PLPPR5: variants seen among roughly 807,000 people sequenced by gnomAD.
PLPPR5 encodes the protein phospholipid phosphatase-related protein type 5.
PLPPR5 carries 16 observed loss-of-function variants against 33.9 expected under a neutral mutation model. The ratio of observed to expected loss-of-function variants is 0.47; its 90% CI spans 0.32 to 0.72. The LOEUF is 0.72. Among genes scored for constraint, PLPPR5 ranks in the 30% least tolerant of loss-of-function variants. The pLI, the probability that PLPPR5 is intolerant of heterozygous loss-of-function variation, is 0.03. For missense variants in PLPPR5, 301 were observed against 406.7 expected (o/e 0.74, Z 2.23); for synonymous variants, 163 against 150.3 (o/e 1.08, Z -0.62).
chr1:98,890,630 C>T lies in PLPPR5; in HGVS notation c.*2442G>A, dbSNP rs1270021383. 1 of 152,532 alleles carries T rather than the reference C, an allele frequency of 6.6e-6. No individual in the cohort carries two copies. The highest frequency in any genetic ancestry group is 2.4e-5 in the African/African-American group (1 of 41,430). The allele number at this position is 152,532 out of a possible 1,614,324, so 9.4% of individuals were successfully genotyped here. A position where few individuals can be genotyped will look rare whatever the true frequency, so the allele number is the denominator to read the frequency against. ...AAAGATATGTGTTTGCCTGCTTTTA[C>T]TAGACTACATATGTACATATTTACA... On this transcript the variant is annotated 3_prime_UTR_variant, in exon 6 of 6. Transcript: ENST00000263177.
At chr1:98,925,922 T>C (rs1377902054) in intron 3 of PLPPR5, among the ~76,000 whole-genome samples, 2 of 152,202 alleles carry the variant, frequency 1.3e-5, no homozygotes, top group Non-Finnish European at 2.9e-5. Flanking sequence ...TGTATGGTTA[T>C]AATTTATTTT....
At chr1:98,895,911 A>C (rs1446124273) in intron 5 of PLPPR5, among the ~76,000 whole-genome samples, 1 of 152,066 alleles carries the variant, frequency 6.6e-6, no homozygotes. Flanking sequence ...ATCATAGTAC[A>C]TGAAAGGAGT....
intron 3 of PLPPR5, among the ~76,000 whole-genome samples, chr1:98,948,727 G>T (rs1184012098): frequency 1.3e-5 from 2 of 152,172 alleles, no homozygotes; most frequent in Non-Finnish European, 2.9e-5. Context: ...AAGGAGAGAG[G>T]CCCAGCTATT....
At chr1:98,963,340 T>C (rs956467412) in intron 1 of PLPPR5, among the ~76,000 whole-genome samples, 1 of 152,248 alleles carries the variant, frequency 6.6e-6, no homozygotes, top group African/African-American at 2.4e-5. Flanking sequence ...CGTTTATAAG[T>C]ATCAGTAACA....
At chr1:98,952,748 A>AT (rs1487165177) in intron 3 of PLPPR5, among the ~76,000 whole-genome samples, 1 of 152,194 alleles carries the variant, frequency 6.6e-6, no homozygotes, top group Non-Finnish European at 1.5e-5. Flanking sequence ...TCATCGTGCT[A>AT]TTACAAGTTC....
chr1:98,922,239 C>T (rs1203824737), intron 3 of PLPPR5, among the ~76,000 whole-genome samples, 181 bp from the exon 4 acceptor site: 2 of 152,172 alleles, frequency 1.3e-5, no homozygotes, highest in Non-Finnish European at 2.9e-5. Flanking sequence ...TCAAGAGTAG[C>T]AATTATTTTG....
At chr1:98,894,101 C>T (rs1472134088) in intron 5 of PLPPR5, among the ~76,000 whole-genome samples, 1 of 151,952 alleles carries the variant, frequency 6.6e-6, no homozygotes, top group Non-Finnish European at 1.5e-5. Flanking sequence ...CAAAAGGAAT[C>T]TCATTGACTA....
Position 98,967,860 on chromosome 1 carries a change from G to T in PLPPR5, c.238-11119C>A, listed in dbSNP as rs374250698. ...TATCTGCGATGGATTAGTGTTTTTGGTAAGGGAGTAAAGGAGTCTGGGATG... is the reference window on the plus strand; with the variant it reads ...TATCTGCGATGGATTAGTGTTTTTGTTAAGGGAGTAAAGGAGTCTGGGATG... On this transcript the variant is annotated intron_variant, in intron 1 of 5. Transcript: ENST00000263177. Among the ~76,000 whole-genome samples, 4 of 152,200 alleles carry T rather than the reference G, an allele frequency of 2.6e-5. No homozygotes were observed. The South Asian group carries it at 6.2e-4, about 24-fold the overall frequency.
chr1:98,978,412 C>T (rs1651939961), intron 1 of PLPPR5, among the ~76,000 whole-genome samples: 1 of 152,146 alleles, frequency 6.6e-6, no homozygotes, highest in African/African-American at 2.4e-5. Flanking sequence ...GTTTCAGCTA[C>T]ATGTAAATTA....
At chr1:98,922,114 T>A in intron 3 of PLPPR5, 56 bp from the exon 4 acceptor site, 1 of 1,493,314 alleles carries the variant, frequency 6.7e-7, no homozygotes, top group African/African-American at 1.4e-5. Flanking sequence ...TTTATTAGCA[T>A]AGCATATTAT....
chr1:98,967,843 A>T (rs187879123), intron 1 of PLPPR5, among the ~76,000 whole-genome samples: 1 of 152,114 alleles, frequency 6.6e-6, no homozygotes, highest in Non-Finnish European at 1.5e-5. Context: ...CGTATCTGCG[A>T]TGGATTAGTG....
intron 1 of PLPPR5, among the ~76,000 whole-genome samples, chr1:98,969,159 T>A (rs1208773622): frequency 6.6e-6 from 1 of 151,908 alleles, no homozygotes; most frequent in African/African-American, 2.4e-5. Flanking sequence ...AGAGCTAGCA[T>A]CTCAGAAACA....
In PLPPR5 at chr1:98,891,518, G is replaced by A. The variant is rs1036134614; in HGVS notation, c.*1554C>T. On this transcript the variant is annotated 3_prime_UTR_variant, in exon 6 of 6. Coordinates refer to ENST00000263177, the MANE Select transcript of PLPPR5 (RefSeq NM_001037317.2). ...GAGCTCACCTTCCTTATATTATGGC[G>A]ATTGTAATCTGGAATTCTACATGCT... The A allele has an allele frequency of 2.6e-5, 4 of 151,914 alleles. No homozygotes were observed. The highest frequency in any genetic ancestry group is 4.8e-5 in the African/African-American group (2 of 41,366). 9.4% of individuals were successfully genotyped at this position (151,914 alleles called of 1,614,324 possible). A position where few individuals can be genotyped will look rare whatever the true frequency, so the allele number is the denominator to read the frequency against.
At chr1:98,953,820 A>G (rs1415327175) in intron 2 of PLPPR5, among the ~76,000 whole-genome samples, 3 of 152,210 alleles carry the variant, frequency 2.0e-5, no homozygotes, top group Non-Finnish European at 4.4e-5. Context: ...TTAGCAGTAA[A>G]TCCAGTACCA....
intron 3 of PLPPR5, among the ~76,000 whole-genome samples, chr1:98,940,530 G>A (rs763151969): frequency 4.6e-5 from 7 of 151,930 alleles, no homozygotes; most frequent in African/African-American, 1.2e-4. Flanking sequence ...TATAGCACAC[G>A]TAGGAGTGTA....
At chr1:98,963,318 A>AATTTGC (rs1651313954) in intron 1 of PLPPR5, among the ~76,000 whole-genome samples, 2 of 152,146 alleles carry the variant, frequency 1.3e-5, no homozygotes, top group Admixed American at 1.3e-4. Context: ...TTATTATGAT[A>AATTTGC]ATTTGCATAT....
chr1:99,001,778 G>A (rs965641305), intron 1 of PLPPR5, among the ~76,000 whole-genome samples: 1 of 148,460 alleles, frequency 6.7e-6, no homozygotes, highest in South Asian at 2.1e-4. Flanking sequence ...AACGATTCAT[G>A]AGCGAATTGA....
chr1:98,985,382 G>A (rs76868006), intron 1 of PLPPR5, among the ~76,000 whole-genome samples: 2,970 of 152,146 alleles, frequency 0.02, 99 homozygotes, highest in African/African-American at 0.068. Context: ...TGACTACACA[G>A]ATGACTGCGG....
chr1:98,973,438 T>G (rs991923333), intron 1 of PLPPR5, among the ~76,000 whole-genome samples: 1 of 151,928 alleles, frequency 6.6e-6, no homozygotes, highest in Non-Finnish European at 1.5e-5. Flanking sequence ...TGTTTTCACA[T>G]GGCACATGGC....
Sources: gnomAD v4.1 joint callset for allele counts (sites outside exome capture counted in the v4.1 genomes callset) on GRCh38, gnomAD v4.1.1 for gene constraint, MANE v1.5 for transcripts, NCBI Gene and HGNC (gene_info 2026-07-23, HGNC 2026-07-21) for gene names.